USP54: variants seen among roughly 807,000 people sequenced by gnomAD.
The protein encoded by USP54 is ubiquitin carboxyl-terminal hydrolase 54.
A neutral mutation model predicts 170.5 loss-of-function variants in USP54; 87 were observed. The observed-to-expected ratio is 0.51, with a 90% confidence interval of 0.43 to 0.61. USP54 has a LOEUF of 0.61. USP54 is among the 20% of genes least tolerant of loss of function. USP54 has a pLI of 0.00. For synonymous variants in USP54, 655 were observed against 742.8 expected, an observed-to-expected ratio of 0.88 and a Z score of 1.92; for missense variants, 1,786 against 2,047.8, an observed-to-expected ratio of 0.87 and a Z score of 2.47.
At chr10:73,546,938 A>G (rs925967694) in intron 4 of USP54, among the ~76,000 whole-genome samples, 11 of 152,132 alleles carry the variant, frequency 7.2e-5, no homozygotes, top group African/African-American at 2.7e-4. Context: ...ATACTGTGAG[A>G]CCATTTAGTT....
intron 4 of USP54, 124 bp downstream of exon 4, chr10:73,571,297 C>T: frequency 1.3e-6 from 1 of 793,672 alleles, no homozygotes; most frequent in South Asian, 2.0e-5. Flanking sequence ...CATTTTTGCA[C>T]TAAACCACAG....
rs766530141 is a variant in USP54, at chr10:73,526,791, G to T, written c.2061-11C>A. Reference sequence around the variant, plus strand: ...TTAGCACTTGGATCCCTTCAAAAGAGAACTCAGAGTCTAGTGAAAGCATGA... The same window carrying T: ...TTAGCACTTGGATCCCTTCAAAAGATAACTCAGAGTCTAGTGAAAGCATGA... On this transcript the variant is annotated splice_polypyrimidine_tract_variant and intron_variant, in intron 15 of 23. Coordinates refer to ENST00000687698, the MANE Select transcript of USP54 (RefSeq NM_001391956.1). 6.2e-7 allele frequency: 1 copy of T among 1,612,508 alleles called. No homozygotes were observed. The highest frequency in any genetic ancestry group is 2.2e-5 in the East Asian group (1 of 44,756).
chr10:73,546,086 C>A (rs1257262339), intron 4 of USP54, among the ~76,000 whole-genome samples: 2 of 152,232 alleles, frequency 1.3e-5, no homozygotes, highest in East Asian at 3.9e-4. Context: ...TTTAAAATTT[C>A]CAGCTAATAT....
At chr10:73,589,024 G>A (rs2077880810) in intron 1 of USP54, among the ~76,000 whole-genome samples, 1 of 152,090 alleles carries the variant, frequency 6.6e-6, no homozygotes, top group South Asian at 2.1e-4. Flanking sequence ...CACACCAACT[G>A]GGACTTCTCT....
intron 23 of USP54, 89 bp from the exon 24 acceptor site, chr10:73,499,277 T>G (rs2057545045): frequency 8.0e-7 from 1 of 1,257,060 alleles, no homozygotes; most frequent in Non-Finnish European, 1.1e-6. Context: ...GTAGCCCAAT[T>G]CCCTACTCCT....
At chr10:73,542,955 C>T in intron 6 of USP54, 63 bp downstream of exon 6, 1 of 1,608,640 alleles carries the variant, frequency 6.2e-7, no homozygotes, top group Non-Finnish European at 8.5e-7. Context: ...CATTTAACAC[C>T]CCACATCCCA....
chr10:73,557,023 C>G (rs781343098), intron 4 of USP54, among the ~76,000 whole-genome samples: 11 of 152,140 alleles, frequency 7.2e-5, no homozygotes, highest in Non-Finnish European at 1.0e-4. Flanking sequence ...ACACTCTGTC[C>G]TACATCCTGG....
intron 1 of USP54, among the ~76,000 whole-genome samples, chr10:73,584,083 T>A (rs7073027): frequency 0.17 from 25,241 of 152,144 alleles, 3,484 homozygotes; most frequent in African/African-American, 0.36. Context: ...GGACCAAGAT[T>A]GATTTATAGG....
In USP54 at chr10:73,575,933, A is replaced by G. The variant is rs2076057245; in HGVS notation, c.-153T>C. 7.9e-6 allele frequency: 2 copies of G among 252,696 alleles called. No homozygotes were observed. Among genetic ancestry groups the G allele is most frequent in the Non-Finnish European group, 1.5e-5 (2 of 134,244 alleles). 15.7% of individuals were successfully genotyped at this position (252,696 alleles called of 1,614,324 possible). A position where few individuals can be genotyped will look rare whatever the true frequency, so the allele number is the denominator to read the frequency against. ...GACTAATGCAAACAGAGAAATCCTT[A>G]AGTATTGCTTCCTTCTATTTTTCTT... On this transcript the variant is annotated 5_prime_UTR_variant, in exon 2 of 24. It removes the in-frame stop codon of an upstream open reading frame in the 5' UTR. Transcript: ENST00000687698.
intron 20 of USP54, among the ~76,000 whole-genome samples, chr10:73,515,465 T>C (rs1314197133): frequency 6.6e-6 from 1 of 152,222 alleles, no homozygotes; most frequent in Non-Finnish European, 1.5e-5. Context: ...GAACTGACTA[T>C]GATGTGCACT....
chr10:73,509,572 G>A (rs544982852), intron 20 of USP54, among the ~76,000 whole-genome samples: 10 of 151,018 alleles, frequency 6.6e-5, no homozygotes, highest in African/African-American at 1.7e-4. Context: ...TTGAGATCAC[G>A]CCATTGTATT....
In USP54 at chr10:73,565,894, G is replaced by A. The variant is rs556352364; in HGVS notation, c.240+5527C>T. On this transcript the variant is annotated intron_variant, in intron 4 of 23. Coordinates refer to ENST00000687698, the MANE Select transcript of USP54 (RefSeq NM_001391956.1). ...TTGGTAGTTGGTAGTCATGTTGGTA[G>A]TCATCTGGTAGAAGAGATCACCAAC... 2.6e-5 allele frequency among the ~76,000 whole-genome samples: 4 copies of A among 152,310 alleles called. No individual in the cohort carries two copies. The East Asian group carries it at 7.7e-4, about 29-fold the overall frequency.
intron 1 of USP54, among the ~76,000 whole-genome samples, chr10:73,601,251 A>G (rs1402774078): frequency 1.3e-5 from 2 of 152,118 alleles, no homozygotes; most frequent in Non-Finnish European, 2.9e-5. Flanking sequence ...TGAAAATAAA[A>G]AAGGAGCTCC....
chr10:73,511,308 G>A (rs2060168554), intron 20 of USP54, among the ~76,000 whole-genome samples: 2 of 151,710 alleles, frequency 1.3e-5, no homozygotes, highest in African/African-American at 4.8e-5. Context: ...TAGGTGAAAT[G>A]TATGGCATGT....
chr10:73,502,918 A>C (rs1247393572), intron 22 of USP54, among the ~76,000 whole-genome samples: 2 of 152,118 alleles, frequency 1.3e-5, no homozygotes, highest in African/African-American at 2.4e-5. Flanking sequence ...ATCTTCCCTC[A>C]AATATATCAT....
chr10:73,500,932 T>C, intron 22 of USP54, 94 bp from the exon 23 acceptor site: 5 of 1,373,106 alleles, frequency 3.6e-6, no homozygotes, highest in Non-Finnish European at 4.9e-6. Context: ...CAAAGGGAAA[T>C]GGAGGGAACC....
chr10:73,593,699 C>A (rs890625821), upstream of USP54, among the ~76,000 whole-genome samples: 2 of 151,958 alleles, frequency 1.3e-5, no homozygotes, highest in Non-Finnish European at 2.9e-5. Flanking sequence ...CAAGGAGAAA[C>A]AATATTTAGG....
intron 1 of USP54, among the ~76,000 whole-genome samples, chr10:73,585,977 C>T: frequency 6.6e-6 from 1 of 151,998 alleles, no homozygotes; most frequent in Admixed American, 6.6e-5. Flanking sequence ...CACCACTGCA[C>T]TCTAGCCTGG....
At chr10:73,588,232 T>C (rs1047151140) in intron 1 of USP54, among the ~76,000 whole-genome samples, 3 of 152,254 alleles carry the variant, frequency 2.0e-5, no homozygotes, top group Admixed American at 6.5e-5. Context: ...TTTTTGTTTT[T>C]GTTTTTTGAG....
Sources: gnomAD v4.1 joint callset for allele counts (sites outside exome capture counted in the v4.1 genomes callset) on GRCh38, gnomAD v4.1.1 for gene constraint, MANE v1.5 for transcripts, NCBI Gene and HGNC (gene_info 2026-07-23, HGNC 2026-07-21) for gene names.